Variants in SRGAP1 observed in about 807,000 individuals in gnomAD.
The protein encoded by SRGAP1 is SLIT-ROBO Rho GTPase-activating protein 1.
In SRGAP1, 43 loss-of-function variants were observed where a neutral mutation model predicts 121.9. The ratio of observed to expected loss-of-function variants is 0.35; its 90% CI spans 0.28 to 0.46. The LOEUF (loss-of-function observed/expected upper bound fraction) is 0.46, where lower values mean the gene tolerates loss of function less well. SRGAP1 is among the 20% of genes least tolerant of loss of function. The pLI is 1.00. For synonymous variants in SRGAP1, 447 were observed against 485.4 expected, an observed-to-expected ratio of 0.92 and a Z score of 1.04; for missense variants, 1,102 against 1,350.9, an observed-to-expected ratio of 0.82 and a Z score of 2.89.
intron 1 of SRGAP1, among the ~76,000 whole-genome samples, chr12:63,856,232 A>G (rs1366013147): frequency 6.6e-6 from 1 of 151,948 alleles, no homozygotes; most frequent in African/African-American, 2.4e-5. Flanking sequence ...AGCCTGGGCA[A>G]CAAGAGCGAA....
At chr12:64,023,372 C>T (rs998634258) in intron 4 of SRGAP1, among the ~76,000 whole-genome samples, 5 of 152,028 alleles carry the variant, frequency 3.3e-5, no homozygotes, top group African/African-American at 7.2e-5. Context: ...GTGCCTTCAT[C>T]GGCCCAGTAA....
In SRGAP1 at chr12:64,160,612, C is replaced by T. The variant is rs1393559868; in HGVS notation, c.*17940C>T. On this transcript the variant is annotated 3_prime_UTR_variant, in exon 22 of 22. Coordinates refer to ENST00000355086, the MANE Select transcript of SRGAP1 (RefSeq NM_020762.4). ...GGCATATGGCTACTCTCCTATTTTC[C>T]TTACCCCTTTGTCTTCACAAGGAAG... 2.0e-5 allele frequency: 3 copies of T among 152,168 alleles called. No individual in the cohort carries two copies. Among genetic ancestry groups the T allele is most frequent in the Non-Finnish European group, 4.4e-5 (3 of 68,036 alleles). The allele number at this position is 152,168 out of a possible 1,614,324, so 9.4% of individuals were successfully genotyped here.
intron 1 of SRGAP1, among the ~76,000 whole-genome samples, chr12:63,972,615 G>T (rs1290779922): frequency 1.3e-5 from 2 of 152,010 alleles, no homozygotes; most frequent in Non-Finnish European, 2.9e-5. Context: ...TGTGTTCTGT[G>T]GAAATTTAGA....
At chr12:64,082,234 C>G (rs2035860587) in intron 10 of SRGAP1, among the ~76,000 whole-genome samples, 1 of 151,652 alleles carries the variant, frequency 6.6e-6, no homozygotes, top group South Asian at 2.1e-4. Flanking sequence ...TGTTAATATG[C>G]TTGGGGCCAC....
At chr12:64,123,168 G>T (rs986829450) in intron 18 of SRGAP1, among the ~76,000 whole-genome samples, 1 of 152,164 alleles carries the variant, frequency 6.6e-6, no homozygotes, top group Admixed American at 6.5e-5. Flanking sequence ...GTTCACACAG[G>T]AATTTGCAAA....
intron 3 of SRGAP1, among the ~76,000 whole-genome samples, chr12:63,991,555 T>TA (rs1241824845): frequency 1.3e-5 from 2 of 152,202 alleles, no homozygotes; most frequent in Admixed American, 6.5e-5. Flanking sequence ...AGTAGAGTTT[T>TA]AAAAAAATAA....
At chr12:64,037,099 T>C (rs1235205097) in intron 4 of SRGAP1, among the ~76,000 whole-genome samples, 1 of 152,190 alleles carries the variant, frequency 6.6e-6, no homozygotes, top group African/African-American at 2.4e-5. Context: ...ATAGGTGAGA[T>C]TTAAGCTTGC....
intron 1 of SRGAP1, among the ~76,000 whole-genome samples, chr12:63,907,655 A>G (rs1460996336): frequency 1.3e-5 from 2 of 152,174 alleles, no homozygotes; most frequent in African/African-American, 4.8e-5. Flanking sequence ...ATTTGCAAAT[A>G]TGTTCTGTCA....
At chr12:64,134,313 TG>T (rs1387787345) in intron 21 of SRGAP1, among the ~76,000 whole-genome samples, 1 of 151,024 alleles carries the variant, frequency 6.6e-6, no homozygotes, top group Non-Finnish European at 1.5e-5. Context: ...CCCAGCTACT[TG>T]GGAGGCTGAG....
chr12:64,067,020 GT>G (rs1172373887), intron 8 of SRGAP1, among the ~76,000 whole-genome samples: 11 of 127,772 alleles, frequency 8.6e-5, no homozygotes, highest in African/African-American at 2.8e-4. Context: ...GTTTTGACCT[GT>G]TTTTTTTTAA....
chr12:64,095,984 T>TA (rs2036148102), intron 14 of SRGAP1, among the ~76,000 whole-genome samples: 1 of 152,212 alleles, frequency 6.6e-6, no homozygotes, highest in South Asian at 2.1e-4. Context: ...AATCATGTGA[T>TA]ACGGGTCAAG....
At chr12:64,015,677 A>G (rs2034383782) in intron 3 of SRGAP1, among the ~76,000 whole-genome samples, 1 of 152,178 alleles carries the variant, frequency 6.6e-6, no homozygotes, top group African/African-American at 2.4e-5. Flanking sequence ...GGCCAGGACT[A>G]GGACCCTCTT....
chr12:64,152,728 TTCATCATTCCAAACCC>T lies in SRGAP1; in HGVS notation c.*10057_*10072del, dbSNP rs1214877513. 2 of 152,146 alleles carry T rather than the reference TTCATCATTCCAAACCC, an allele frequency of 1.3e-5. No individual in the cohort carries two copies. The highest frequency in any genetic ancestry group is 6.5e-5 in the Admixed American group (1 of 15,268). The allele number at this position is 152,146 out of a possible 1,614,324, so 9.4% of individuals were successfully genotyped here. A position where few individuals can be genotyped will look rare whatever the true frequency, so the allele number is the denominator to read the frequency against. ...CTGACAACTGCCTGTTGAAATTATA[TTCATCATTCCAAACCC>T]AACAAAATGGTTACATCCTTCATGA... On this transcript the variant is annotated 3_prime_UTR_variant, in exon 22 of 22. Transcript: ENST00000355086.
intron 1 of SRGAP1, among the ~76,000 whole-genome samples, chr12:63,913,194 CTTTTTTTTTTTTTTTT>C (rs759566545): frequency 3.4e-5 from 2 of 59,010 alleles, no homozygotes; most frequent in South Asian, 7.8e-4. Flanking sequence ...GTAAATCCTT[CTTTTTTTTTTTTTTTT>C]TTTTTTTTTT....
chr12:64,082,452 C>CTTT (rs371020186), intron 10 of SRGAP1, among the ~76,000 whole-genome samples: 1 of 139,398 alleles, frequency 7.2e-6, no homozygotes, highest in Non-Finnish European at 1.6e-5. Context: ...CCAGAATTTT[C>CTTT]TTTTTTTTTT....
intron 1 of SRGAP1, among the ~76,000 whole-genome samples, chr12:63,935,799 C>T (rs1200200517): frequency 6.6e-6 from 1 of 152,118 alleles, no homozygotes; most frequent in Non-Finnish European, 1.5e-5. Context: ...GTGTGATCTA[C>T]AGAAATATGA....
intron 1 of SRGAP1, among the ~76,000 whole-genome samples, chr12:63,854,969 GA>G (rs1374948742): frequency 2.0e-5 from 3 of 152,090 alleles, no homozygotes; most frequent in African/African-American, 7.2e-5. Flanking sequence ...TCCACAGCCT[GA>G]AAAACACTTA....
At chr12:63,935,085 G>A (rs1021013948) in intron 1 of SRGAP1, among the ~76,000 whole-genome samples, 1 of 152,224 alleles carries the variant, frequency 6.6e-6, no homozygotes, top group African/African-American at 2.4e-5. Context: ...AACATCGGGA[G>A]AGGAGGGTAT....
In SRGAP1 at chr12:63,935,329, C is replaced by T. The variant is rs116356324; in HGVS notation, c.68-48618C>T. 2.4e-3 allele frequency among the ~76,000 whole-genome samples: 368 copies of T among 152,136 alleles called. 1 individual carries two copies. The highest frequency in any genetic ancestry group is 8.6e-3 in the African/African-American group (355 of 41,506). On this transcript the variant is annotated intron_variant, in intron 1 of 21. Transcript: ENST00000355086. ...GAAAAGCAGATAAATTAGTCGAAGACCATTTATTTTATTATAATATTTATG... is the reference window on the plus strand; with the variant it reads ...GAAAAGCAGATAAATTAGTCGAAGATCATTTATTTTATTATAATATTTATG...
Sources: allele counts gnomAD v4.1 joint callset (sites outside exome capture counted in the v4.1 genomes callset), GRCh38; gene constraint gnomAD v4.1.1; transcripts MANE v1.5; gene names NCBI Gene and HGNC (gene_info 2026-07-23, HGNC 2026-07-21).